The following SH3GL2 variants were observed in gnomAD, a reference collection of about 807,000 sequenced individuals.
The protein encoded by SH3GL2 is endophilin-A1.
A neutral mutation model predicts 46.0 loss-of-function variants in SH3GL2; 24 were observed. That is an observed-to-expected ratio of 0.52 (90% confidence interval 0.38 to 0.73). The LOEUF is 0.73. Ranked by LOEUF, SH3GL2 falls within the 30% of genes least tolerant of loss-of-function variation. SH3GL2 has a pLI of 0.00. For missense variants in SH3GL2, 413 were observed against 424.2 expected, an observed-to-expected ratio of 0.97 and a Z score of 0.23; for synonymous variants, 196 against 147.1, an observed-to-expected ratio of 1.33 and a Z score of -2.40.
At chr9:17,781,961 C>A (rs892270991) in intron 3 of SH3GL2, among the ~76,000 whole-genome samples, 6 of 152,120 alleles carry the variant, frequency 3.9e-5, no homozygotes, top group African/African-American at 1.4e-4. Flanking sequence ...CTCTGACTCT[C>A]CACCTGGATA....
intron 1 of SH3GL2, among the ~76,000 whole-genome samples, chr9:17,728,721 C>T (rs937281771): frequency 6.6e-6 from 1 of 152,120 alleles, no homozygotes; most frequent in Non-Finnish European, 1.5e-5. Context: ...TGAGAACATG[C>T]AGTGTTTGGT....
intron 1 of SH3GL2, among the ~76,000 whole-genome samples, chr9:17,643,259 A>G (rs913640319): frequency 7.9e-5 from 12 of 152,192 alleles, no homozygotes; most frequent in Non-Finnish European, 7.3e-5. Context: ...ACTTTGCTGA[A>G]GTTGCTTATC....
At chr9:17,610,550 T>C (rs1818841218) in intron 1 of SH3GL2, among the ~76,000 whole-genome samples, 2 of 152,190 alleles carry the variant, frequency 1.3e-5, no homozygotes, top group Admixed American at 1.3e-4. Context: ...CACACTGCAA[T>C]GGGAACTTTG....
intron 1 of SH3GL2, among the ~76,000 whole-genome samples, chr9:17,690,278 T>C (rs1821042006): frequency 6.6e-6 from 1 of 152,122 alleles, no homozygotes; most frequent in Non-Finnish European, 1.5e-5. Flanking sequence ...TTTACTGCAT[T>C]CAGCATTCCC....
intron 3 of SH3GL2, among the ~76,000 whole-genome samples, chr9:17,782,282 C>T (rs769879840): frequency 2.6e-5 from 4 of 152,082 alleles, no homozygotes; most frequent in Non-Finnish European, 5.9e-5. Flanking sequence ...AGCTTGGGAA[C>T]TCTCTTTTTC....
At chr9:17,589,467 G>A (rs1196445256) in intron 1 of SH3GL2, 6 of 152,124 alleles carry the variant, frequency 3.9e-5, no homozygotes, top group African/African-American at 1.4e-4. Flanking sequence ...TTTAACAGTG[G>A]CACCGTTAAG....
intron 1 of SH3GL2, among the ~76,000 whole-genome samples, chr9:17,603,587 G>A (rs553042746): frequency 6.6e-5 from 10 of 152,252 alleles, no homozygotes; most frequent in East Asian, 1.9e-4. Context: ...ACGGCTGGGC[G>A]TGGTGGCTCA....
At chr9:17,751,992 A>G (rs551808666) in intron 2 of SH3GL2, among the ~76,000 whole-genome samples, 1 of 152,270 alleles carries the variant, frequency 6.6e-6, no homozygotes, top group South Asian at 2.1e-4. Flanking sequence ...TTCCAAGCTT[A>G]TATTCATTAA....
chr9:17,774,848 G>C (rs1823595922), intron 3 of SH3GL2, among the ~76,000 whole-genome samples: 1 of 152,136 alleles, frequency 6.6e-6, no homozygotes, highest in Non-Finnish European at 1.5e-5. Context: ...GGAAAAGTTT[G>C]AGGAGAGTTG....
chr9:17,623,993 T>A (rs1420519357), intron 1 of SH3GL2, among the ~76,000 whole-genome samples: 1 of 152,222 alleles, frequency 6.6e-6, no homozygotes, highest in Non-Finnish European at 1.5e-5. Context: ...GGTTCTAGTC[T>A]GGGGTCAAAT....
chr9:17,622,662 C>T (rs911680701), intron 1 of SH3GL2, among the ~76,000 whole-genome samples: 1 of 152,140 alleles, frequency 6.6e-6, no homozygotes, highest in African/African-American at 2.4e-5. Flanking sequence ...CTGTGGTTTT[C>T]TCATGTGACC....
In SH3GL2 at chr9:17,795,798, C is replaced by A; in HGVS notation, c.*55C>A. The A allele has an allele frequency of 1.4e-6, 2 of 1,425,900 alleles. No individual in the cohort carries two copies. The highest frequency in any genetic ancestry group is 1.2e-5 in the South Asian group (1 of 81,316). The allele number at this position is 1,425,900 out of a possible 1,614,324, so 88.3% of individuals were successfully genotyped here. On this transcript the variant is annotated 3_prime_UTR_variant, in exon 9 of 9. Transcript: ENST00000380607. ...TGACCCAGATAGTTACGGTTAACCA[C>A]TGCTTTGGCAATGCTGCTTATAACA...
intron 1 of SH3GL2, among the ~76,000 whole-genome samples, chr9:17,676,986 G>T (rs1332015020): frequency 1.3e-5 from 2 of 152,088 alleles, no homozygotes; most frequent in Non-Finnish European, 2.9e-5. Flanking sequence ...GAGAGACTAA[G>T]AGAAGACACT....
rs529834023 is a variant in SH3GL2, at chr9:17,685,768, C to T, written c.46-61298C>T. 1.8e-4 allele frequency among the ~76,000 whole-genome samples: 28 copies of T among 151,946 alleles called. No homozygotes were observed. In the East Asian group the frequency reaches 2.9e-3, roughly 16 times the overall value. ...AGATCAGATAGTTGTAGATATGCGG[C>T]GTTATTTCTGAGGGCTCTGTTCTGT... On this transcript the variant is annotated intron_variant, in intron 1 of 8. Transcript: ENST00000380607.
chr9:17,588,424 A>G (rs1032185328), intron 1 of SH3GL2, among the ~76,000 whole-genome samples: 2 of 152,232 alleles, frequency 1.3e-5, no homozygotes, highest in Non-Finnish European at 2.9e-5. Flanking sequence ...ATCTAATCTC[A>G]TGAGCCCTTT....
At chr9:17,758,595 A>AAAAAAAAAAC (rs1823076442) in intron 2 of SH3GL2, among the ~76,000 whole-genome samples, 1 of 145,788 alleles carries the variant, frequency 6.9e-6, no homozygotes, top group Non-Finnish European at 1.5e-5. Flanking sequence ...AAAAAAAAAA[A>AAAAAAAAAAC]TTGCAGTCAG....
intron 1 of SH3GL2, among the ~76,000 whole-genome samples, chr9:17,619,508 T>C (rs1282437510): frequency 6.6e-6 from 1 of 151,906 alleles, no homozygotes; most frequent in Admixed American, 6.6e-5. Flanking sequence ...TGACACCCCG[T>C]CTCTACTAAA....
chr9:17,778,510 T>C (rs1239742602), intron 3 of SH3GL2, among the ~76,000 whole-genome samples: 4 of 152,116 alleles, frequency 2.6e-5, no homozygotes, highest in Admixed American at 6.6e-5. Flanking sequence ...CAAGAGCAGA[T>C]AGGACCTTGT....
chr9:17,767,267 G>A (rs893764638), intron 3 of SH3GL2, among the ~76,000 whole-genome samples: 3 of 152,138 alleles, frequency 2.0e-5, no homozygotes, highest in Admixed American at 2.0e-4. Flanking sequence ...TGTCTATTTA[G>A]AATTTTTTAA....
Sources: gnomAD v4.1 joint callset for allele counts (sites outside exome capture counted in the v4.1 genomes callset) on GRCh38, gnomAD v4.1.1 for gene constraint, MANE v1.5 for transcripts, NCBI Gene and HGNC (gene_info 2026-07-23, HGNC 2026-07-21) for gene names.